TERF2: variants seen among roughly 807,000 people sequenced by gnomAD.
TERF2 encodes telomeric repeat-binding factor 2.
In TERF2, 16 loss-of-function variants were observed where a neutral mutation model predicts 56.1. That is an observed-to-expected ratio of 0.29 (90% CI 0.19 to 0.43). The LOEUF is 0.43. TERF2 is among the 20% of genes least tolerant of loss of function. The pLI is 1.00. For synonymous variants in TERF2, 296 were observed against 282.1 expected, an observed-to-expected ratio of 1.05 and a Z score of -0.50; for missense variants, 547 against 712.9, an observed-to-expected ratio of 0.77 and a Z score of 2.65.
intron 3 of TERF2, among the ~76,000 whole-genome samples, chr16:69,380,846 G>A (rs2013973606): frequency 6.7e-6 from 1 of 149,210 alleles, no homozygotes; most frequent in African/African-American, 2.5e-5. Flanking sequence ...CTGTTTCCCA[G>A]GCTGGAGTGC....
chr16:69,383,481 C>T (rs1043444934), intron 3 of TERF2, among the ~76,000 whole-genome samples: 20 of 152,192 alleles, frequency 1.3e-4, no homozygotes, highest in African/African-American at 4.3e-4. Context: ...ATTTCTCCTC[C>T]CTTGATAATG....
intron 2 of TERF2, among the ~76,000 whole-genome samples, chr16:69,384,912 T>C (rs189695702): frequency 6.6e-6 from 1 of 152,342 alleles, no homozygotes; most frequent in Admixed American, 6.5e-5. Flanking sequence ...TGACCATTTT[T>C]TAACACCTGT....
At chr16:69,357,386 T>C in intron 9 of TERF2, 132 bp downstream of exon 9, 1 of 739,546 alleles carries the variant, frequency 1.4e-6, no homozygotes, top group Middle Eastern at 2.5e-4. Context: ...TTAACTTAGT[T>C]TGGATTATCT....
chr16:69,362,776 C>G (rs2013193209), intron 7 of TERF2, among the ~76,000 whole-genome samples: 1 of 152,186 alleles, frequency 6.6e-6, no homozygotes, highest in East Asian at 1.9e-4. Flanking sequence ...AGAATTATAA[C>G]ATCTTTTACA....
chr16:69,384,540 T>C (rs779581926), intron 3 of TERF2, 40 bp downstream of exon 3: 8 of 1,600,858 alleles, frequency 5.0e-6, no homozygotes, highest in South Asian at 1.1e-5. Flanking sequence ...AGACCCTTGA[T>C]TTTTGGTCAA....
At chr16:69,363,981 C>G (rs77342511) in intron 7 of TERF2, among the ~76,000 whole-genome samples, 2,959 of 151,496 alleles carry the variant, frequency 0.02, 94 homozygotes, top group African/African-American at 0.067. Context: ...GACCCTGTCT[C>G]AAGAAAAAAA....
At chr16:69,378,178 G>T (rs972820947) in intron 3 of TERF2, among the ~76,000 whole-genome samples, 4 of 152,092 alleles carry the variant, frequency 2.6e-5, no homozygotes, top group African/African-American at 9.7e-5. Context: ...TAATATGGTG[G>T]ACTACACTGA....
chr16:69,380,655 TA>T (rs771517864), intron 3 of TERF2, among the ~76,000 whole-genome samples: 3,226 of 128,500 alleles, frequency 0.025, 57 homozygotes, highest in African/African-American at 0.061. Context: ...AGACTACGTC[TA>T]AAAAAAAAAA....
At chr16:69,381,929 G>A (rs1003484200) in intron 3 of TERF2, among the ~76,000 whole-genome samples, 5 of 151,876 alleles carry the variant, frequency 3.3e-5, no homozygotes, top group African/African-American at 9.7e-5. Flanking sequence ...TTAAACAACT[G>A]TGACTAACAT....
chr16:69,367,265 A>T (rs1203618447), intron 6 of TERF2, 66 bp from the exon 7 acceptor site: 2 of 1,507,418 alleles, frequency 1.3e-6, no homozygotes, highest in Admixed American at 2.2e-5. Flanking sequence ...AACAGCCACA[A>T]CTTTTTTGAA....
At chr16:69,368,536 C>A (rs1183928582) in intron 5 of TERF2, 54 bp from the exon 6 acceptor site, 1 of 1,605,540 alleles carries the variant, frequency 6.2e-7, no homozygotes, top group Admixed American at 1.7e-5. Flanking sequence ...TGCATTAATT[C>A]TCTGCTTCTT....
At chr16:69,375,283 T>C (rs745568652) in intron 3 of TERF2, among the ~76,000 whole-genome samples, 1 of 152,216 alleles carries the variant, frequency 6.6e-6, no homozygotes, top group Non-Finnish European at 1.5e-5. Context: ...TAGGATTGCA[T>C]GGTCTCATGG....
chr16:69,371,373 T>C (rs946892312), intron 4 of TERF2, among the ~76,000 whole-genome samples: 1 of 151,186 alleles, frequency 6.6e-6, no homozygotes, highest in Admixed American at 6.6e-5. Context: ...TGGTGGCACA[T>C]GCCTGTAACC....
Position 69,366,672 on chromosome 16 carries a change from G to A in TERF2, c.1340+135C>T, listed in dbSNP as rs540700804. On this transcript the variant is annotated intron_variant, in intron 7 of 9. Coordinates refer to ENST00000254942, the MANE Select transcript of TERF2 (RefSeq NM_005652.5). ...CTACGTCGTCACTGGCCACTCCTGC[G>A]TCAAGTTCTAGCAGTCTGAGCAAGC... The A allele has an allele frequency of 3.6e-4, 444 of 1,218,048 alleles. 4 individuals are homozygous for A. Among genetic ancestry groups the A allele is most frequent in the Admixed American group, 8.8e-4 (31 of 35,128 alleles). 75.5% of individuals were successfully genotyped at this position (1,218,048 alleles called of 1,614,324 possible). A position where few individuals can be genotyped will look rare whatever the true frequency, so the allele number is the denominator to read the frequency against.
intron 3 of TERF2, among the ~76,000 whole-genome samples, chr16:69,376,885 GAA>G (rs1249560191): frequency 1.4e-5 from 2 of 145,368 alleles, no homozygotes; most frequent in Non-Finnish European, 3.0e-5. Context: ...AAAAAACTGA[GAA>G]AAAGACAAAG....
At chr16:69,382,360 G>A (rs1441865976) in intron 3 of TERF2, among the ~76,000 whole-genome samples, 2 of 152,224 alleles carry the variant, frequency 1.3e-5, no homozygotes, top group Non-Finnish European at 2.9e-5. Context: ...TTCCGTGACT[G>A]TAAATGAGAA....
chr16:69,372,414 T>C, intron 3 of TERF2, 59 bp from the exon 4 acceptor site: 2 of 1,101,816 alleles, frequency 1.8e-6, no homozygotes, highest in South Asian at 2.7e-5. Context: ...AATCAGAATA[T>C]CAAACATCAA....
rs1597265983 is a variant in TERF2 at position 69,385,777 on chromosome 16, G to A, written c.195C>T (p.Ser65=). The A allele has an allele frequency of 7.7e-7, 1 of 1,302,194 alleles. No homozygotes were observed. The highest frequency in any genetic ancestry group is 3.3e-5 in the East Asian group (1 of 30,646). 80.7% of individuals were successfully genotyped at this position (1,302,194 alleles called of 1,614,324 possible). A position where few individuals can be genotyped will look rare whatever the true frequency, so the allele number is the denominator to read the frequency against. The change falls in exon 1 of 10, where the codon AGC becomes AGT. Residue 65 remains serine (S), a synonymous_variant. Coordinates refer to ENST00000254942, the MANE Select transcript of TERF2 (RefSeq NM_005652.5). The part of the protein sequence containing the change: ...RAAGRRASRS[S]GRARRGRHEP... ...CGTGGCGCCCCCGCCGGGCCCGCCC[G>A]CTACTGCGGGACGCCCGCCTGCCAG...
At position 69,356,855 on chromosome 16, in the gene TERF2, A is replaced by G. The variant is rs894057314; in HGVS notation, c.*43T>C. 1 of 1,558,508 alleles carries G rather than the reference A, an allele frequency of 6.4e-7. No homozygotes were observed. Among genetic ancestry groups the G allele is most frequent in the African/African-American group, 1.4e-5 (1 of 72,230 alleles). On this transcript the variant is annotated 3_prime_UTR_variant, in exon 10 of 10. Transcript: ENST00000254942. ...GAGCAGACTATCAGGGGCTATTATT[A>G]GGAACCATGCTCCTGTGAATTCTGT...
Sources: allele counts gnomAD v4.1 joint callset (sites outside exome capture counted in the v4.1 genomes callset), GRCh38; gene constraint gnomAD v4.1.1; transcripts MANE v1.5; gene names NCBI Gene and HGNC (gene_info 2026-07-23, HGNC 2026-07-21).